THRA: variants seen among roughly 807,000 people sequenced by gnomAD.
The protein encoded by THRA is EAR-7.
A neutral mutation model predicts 45.0 loss-of-function variants in THRA; 13 were observed. The ratio of observed to expected loss-of-function variants is 0.29; its 90% confidence interval spans 0.19 to 0.46. The LOEUF is 0.46. THRA is among the 20% of genes least tolerant of loss of function. The probability of loss-of-function intolerance (pLI) is 1.00; values close to 1 mark genes in which losing one functional copy is unlikely to be tolerated. For missense variants in THRA, 278 were observed against 556.1 expected, an observed-to-expected ratio of 0.50 and a Z score of 5.03; for synonymous variants, 195 against 214.0, an observed-to-expected ratio of 0.91 and a Z score of 0.78.
At chr17:40,081,341 C>T (rs1050472783) in intron 4 of THRA, among the ~76,000 whole-genome samples, 43 of 151,666 alleles carry the variant, frequency 2.8e-4, no homozygotes, top group African/African-American at 1.0e-3. Context: ...GCCTTGACCT[C>T]CTGGTCTCAA....
In THRA at chr17:40,072,556, C is replaced by T. The variant is rs561508774; in HGVS notation, c.-297-1636C>T. Among the ~76,000 whole-genome samples the T allele has an allele frequency of 3.9e-5, 6 of 152,238 alleles. No homozygotes were observed. In the South Asian group the frequency reaches 1.0e-3, roughly 26 times the overall value. Reference sequence around the variant, plus strand: ...ACCGAGGCACAGCCTGGGGGGCAGACGGAGACACCCAGACCCGGAGAGAGA... The same window carrying T: ...ACCGAGGCACAGCCTGGGGGGCAGATGGAGACACCCAGACCCGGAGAGAGA... On this transcript the variant is annotated intron_variant, in intron 1 of 8. Coordinates refer to ENST00000450525, the MANE Select transcript of THRA (RefSeq NM_199334.5).
At chr17:40,067,500 T>C (rs1390720410) in intron 1 of THRA, among the ~76,000 whole-genome samples, 2 of 152,182 alleles carry the variant, frequency 1.3e-5, no homozygotes, top group African/African-American at 4.8e-5. Context: ...TGAAAGGTGG[T>C]GGCAGAGAGA....
intron 1 of THRA, among the ~76,000 whole-genome samples, chr17:40,070,170 G>A (rs898412326): frequency 2.6e-5 from 4 of 152,010 alleles, no homozygotes; most frequent in African/African-American, 7.3e-5. Context: ...TCTCCTGGGG[G>A]CCCAGTGAGA....
At chr17:40,066,725 G>T (rs537266900) in intron 1 of THRA, among the ~76,000 whole-genome samples, 1 of 151,276 alleles carries the variant, frequency 6.6e-6, no homozygotes, top group Non-Finnish European at 1.5e-5. Flanking sequence ...TCAAGCAGGT[G>T]ATATACCATC....
chr17:40,074,955 T>G (rs1364244673), intron 2 of THRA, among the ~76,000 whole-genome samples: 3 of 152,248 alleles, frequency 2.0e-5, no homozygotes, highest in African/African-American at 7.2e-5. Flanking sequence ...GCGGTTCACG[T>G]AATACATTTC....
chr17:40,087,859 A>G (rs531688348), intron 7 of THRA, among the ~76,000 whole-genome samples: 1 of 152,230 alleles, frequency 6.6e-6, no homozygotes, highest in Admixed American at 6.5e-5. Context: ...CCTGAGTTCA[A>G]GCAATTCTCC....
rs561814899 is a variant in THRA, at chr17:40,071,898, C to T, written c.-297-2294C>T. 2.9e-4 allele frequency among the ~76,000 whole-genome samples: 44 copies of T among 152,284 alleles called. 1 individual carries two copies. In the South Asian group the frequency reaches 9.1e-3, roughly 32 times the overall value. ...AGTCCCCAGGGGTTCCAGCCTCTTT[C>T]TGGGTACCCAGTGAGGGTGCCCTAG... is the stretch of plus-strand genomic sequence containing the variant. On this transcript the variant is annotated intron_variant, in intron 1 of 8. Transcript: ENST00000450525.
At chr17:40,076,482 C>T (rs898284343) in intron 2 of THRA, among the ~76,000 whole-genome samples, 5 of 152,064 alleles carry the variant, frequency 3.3e-5, no homozygotes, top group Non-Finnish European at 7.3e-5. Context: ...TCATCTGTGC[C>T]GGTGTTATGT....
Position 40,077,080 on chromosome 17 carries a change from G to C in THRA, c.121+142G>C. ...TAGAGGGCTTGGGATGGACTTGTCT[G>C]GGGGTGAGAAAGGTAATGTGGGATG... is the stretch of plus-strand genomic sequence containing the variant. On this transcript the variant is annotated intron_variant, in intron 3 of 8. Coordinates refer to ENST00000450525, the MANE Select transcript of THRA (RefSeq NM_199334.5). 12 of 858,734 alleles carry C rather than the reference G, an allele frequency of 1.4e-5. No homozygotes were observed. The South Asian group carries it at 1.7e-4, about 12-fold the overall frequency. 53.2% of individuals were successfully genotyped at this position (858,734 alleles called of 1,614,324 possible).
chr17:40,064,955 C>T (rs1171494364), intron 1 of THRA, among the ~76,000 whole-genome samples: 1 of 152,316 alleles, frequency 6.6e-6, no homozygotes, highest in East Asian at 1.9e-4. Context: ...CAGCCGAGCA[C>T]ACACTTAGAT....
At chr17:40,093,781 CTG>C (rs1423379991), downstream of THRA, 3 of 776,726 alleles carry the variant, frequency 3.9e-6, no homozygotes, top group South Asian at 5.0e-5. The surrounding 1 kb of genome is among the most constrained non-coding windows in gnomAD (Gnocchi z 5.9). Flanking sequence ...CCAAGCTAGA[CTG>C]TGTCTGAATC....
chr17:40,089,177 T>TCGCCCCTCA lies in THRA; in HGVS notation c.983-20_983-12dup, dbSNP rs775471044. 2 of 1,602,720 alleles carry TCGCCCCTCA rather than the reference T, an allele frequency of 1.2e-6. No homozygotes were observed. The highest frequency in any genetic ancestry group is 2.2e-5 in the South Asian group (2 of 90,672). ...CATCTCCAGGCCTTCGGCCAGCCCC[T>TCGCCCCTCA]CGCCCCTCACGCCCCTCTTCCCTCA... On this transcript the variant is annotated intron_variant, in intron 8 of 8. Coordinates refer to ENST00000450525, the MANE Select transcript of THRA (RefSeq NM_199334.5). The surrounding 1 kb of genome is among the most constrained non-coding windows in gnomAD (Gnocchi z 6.1).
chr17:40,084,674 G>C lies in THRA; in HGVS notation c.435G>C (p.Arg145=). ...RKLIEQNRER[R]RKEEMIRSLQ... ...TGATTGAGCAGAACCGGGAGCGGCG[G>C]CGGAAGGAGGAGATGATCCGATCAC... Residue 145 remains arginine (R), a synonymous_variant, in exon 6 of 9, where the codon CGG becomes CGC. Coordinates refer to ENST00000450525, the MANE Select transcript of THRA (RefSeq NM_199334.5). 6.2e-7 allele frequency: 1 copy of C among 1,614,050 alleles called. No individual in the cohort carries two copies. Among genetic ancestry groups the C allele is most frequent in the East Asian group, 2.2e-5 (1 of 44,856 alleles).
chr17:40,084,475 T>A, intron 5 of THRA, 135 bp from the exon 6 acceptor site: 7 of 920,242 alleles, frequency 7.6e-6, no homozygotes, highest in Non-Finnish European at 1.2e-5. Flanking sequence ...AACTGCTAGG[T>A]GATTTGGGAA....
At chr17:40,078,493 T>G (rs1987027827) in intron 4 of THRA, among the ~76,000 whole-genome samples, 1 of 152,022 alleles carries the variant, frequency 6.6e-6, no homozygotes, top group Non-Finnish European at 1.5e-5. Flanking sequence ...AGTAAAATAA[T>G]AAAATAAAAT....
chr17:40,092,740 T>A lies in THRA; in HGVS notation c.*3284T>A. On this transcript the variant is annotated 3_prime_UTR_variant, in exon 9 of 9. Coordinates refer to ENST00000450525, the MANE Select transcript of THRA (RefSeq NM_199334.5). ...GATGGAGAGGTGGCCCCCCCCAGCC[T>A]TGGCAGTATTTCCACCCCACCCCCC... is the stretch of plus-strand genomic sequence containing the variant. 2 of 125,586 alleles carry A rather than the reference T, an allele frequency of 1.6e-5. No homozygotes were observed. The highest frequency in any genetic ancestry group is 1.8e-4 in the East Asian group (1 of 5,446). 7.8% of individuals were successfully genotyped at this position (125,586 alleles called of 1,614,324 possible). A position where few individuals can be genotyped will look rare whatever the true frequency, so the allele number is the denominator to read the frequency against.
rs1987585800 is a variant in THRA, at chr17:40,092,124, G to C, written c.*2668G>C. On this transcript the variant is annotated 3_prime_UTR_variant, in exon 9 of 9. Coordinates refer to ENST00000450525, the MANE Select transcript of THRA (RefSeq NM_199334.5). ...CCCCACCACCCGCCTCTCCATCTCAGTATTGCCCCTCCCATCACTCATAAC... is the reference window on the plus strand; with the variant it reads ...CCCCACCACCCGCCTCTCCATCTCACTATTGCCCCTCCCATCACTCATAAC... The C allele has an allele frequency of 1.3e-5, 2 of 152,362 alleles. No homozygotes were observed. The highest frequency in any genetic ancestry group is 4.1e-4 in the South Asian group (2 of 4,832). 9.4% of individuals were successfully genotyped at this position (152,362 alleles called of 1,614,324 possible).
In THRA at chr17:40,079,182, A is replaced by G. The variant is rs902255530; in HGVS notation, c.222+1574A>G. Among the ~76,000 whole-genome samples, 4 of 152,306 alleles carry G rather than the reference A, an allele frequency of 2.6e-5. No homozygotes were observed. The East Asian group carries it at 5.8e-4, about 22-fold the overall frequency. On this transcript the variant is annotated intron_variant, in intron 4 of 8. Transcript: ENST00000450525. ...GTGGGAGCTGGGAGCACAGAGGAGA[A>G]GAGGACAGCAGGTTCTTCCAGGCAG...
intron 1 of THRA, among the ~76,000 whole-genome samples, chr17:40,070,362 C>A (rs916501117): frequency 6.6e-6 from 1 of 152,182 alleles, no homozygotes; most frequent in East Asian, 1.9e-4. Flanking sequence ...GGCAGCCCTG[C>A]TCAATCCATA....
Sources: gnomAD v4.1 joint callset for allele counts (sites outside exome capture counted in the v4.1 genomes callset) on GRCh38, gnomAD v4.1.1 for gene constraint, Gnocchi (gnomAD v3.1) non-coding constraint, MANE v1.5 for transcripts, NCBI Gene and HGNC (gene_info 2026-07-23, HGNC 2026-07-21) for gene names.